Variants in KIAA2012 observed in about 807,000 individuals in gnomAD.
The protein encoded by KIAA2012 is uncharacterized protein KIAA2012.
A neutral mutation model predicts 150.6 loss-of-function variants in KIAA2012; 125 were observed. That is an observed-to-expected ratio of 0.83 (90% CI 0.72 to 0.96). The LOEUF is 0.96. Ranked by LOEUF, KIAA2012 falls within the 40% of genes least tolerant of loss-of-function variation. The pLI is 0.00. For synonymous variants in KIAA2012, 462 were observed against 504.7 expected, an observed-to-expected ratio of 0.92 and a Z score of 1.13; for missense variants, 1,219 against 1,354.9, an observed-to-expected ratio of 0.90 and a Z score of 1.57.
At chr2:202,109,903 G>T (rs765080014) in intron 10 of KIAA2012, 114 bp downstream of exon 10, 5 of 900,342 alleles carry the variant, frequency 5.6e-6, no homozygotes, top group Non-Finnish European at 8.1e-6. Context: ...TTGAAAAGGG[G>T]TAATTGACAC....
chr2:202,084,472 C>A (rs1426591618), intron 2 of KIAA2012, among the ~76,000 whole-genome samples: 3 of 152,222 alleles, frequency 2.0e-5, no homozygotes, highest in Non-Finnish European at 4.4e-5. Flanking sequence ...TTAAAGGAAG[C>A]ACTCATGGTG....
At chr2:202,114,898 G>A (rs926559222) in intron 11 of KIAA2012, 1 of 167,270 alleles carries the variant, frequency 6.0e-6, no homozygotes, top group African/African-American at 2.4e-5. Flanking sequence ...CTTATTGAAT[G>A]AATGAATGAA....
intron 21 of KIAA2012, among the ~76,000 whole-genome samples, chr2:202,195,964 G>C (rs1253034683): frequency 6.6e-6 from 1 of 152,010 alleles, no homozygotes; most frequent in Admixed American, 6.6e-5. Flanking sequence ...TATCTTGGCT[G>C]TTGGGAAGAG....
Position 202,190,495 on chromosome 2 carries a change from T to G in KIAA2012, c.2811+2T>G. 1 of 1,505,950 alleles carries G rather than the reference T, an allele frequency of 6.6e-7. No individual in the cohort carries two copies. The highest frequency in any genetic ancestry group is 8.9e-7 in the Non-Finnish European group (1 of 1,124,260). The allele number at this position is 1,505,950 out of a possible 1,614,324, so 93.3% of individuals were successfully genotyped here. A position where few individuals can be genotyped will look rare whatever the true frequency, so the allele number is the denominator to read the frequency against. Reference sequence around the variant, plus strand: ...AGAAGATGTGAGGACCCTTCCAAGGTAGGGTCTGATGTCCTCAGCTTGACA... The same window carrying G: ...AGAAGATGTGAGGACCCTTCCAAGGGAGGGTCTGATGTCCTCAGCTTGACA... On this transcript the variant is annotated splice_donor_variant, in intron 19 of 23. Coordinates refer to ENST00000498697, the MANE Select transcript of KIAA2012 (RefSeq NM_001277372.4). LOFTEE classifies it high-confidence loss of function.
At position 202,073,514 on chromosome 2, in the gene KIAA2012, T is replaced by C. The variant is rs1487962289; in HGVS notation, c.-114T>C. ...AAAATGTATTTAATAAAAGGCCCTG[T>C]GTTTGTGGTCTTCTTGGGCTTGCTG... On this transcript the variant is annotated 5_prime_UTR_variant, in exon 1 of 24. Transcript: ENST00000498697. 2 of 804,696 alleles carry C rather than the reference T, an allele frequency of 2.5e-6. No individual in the cohort carries two copies. The highest frequency in any genetic ancestry group is 1.7e-5 in the South Asian group (1 of 58,278). 49.8% of individuals were successfully genotyped at this position (804,696 alleles called of 1,614,324 possible).
intron 15 of KIAA2012, among the ~76,000 whole-genome samples, chr2:202,178,139 C>T (rs1692035539): frequency 6.6e-6 from 1 of 152,064 alleles, no homozygotes; most frequent in Admixed American, 6.6e-5. Context: ...GTGGAGGTTG[C>T]AGTGAGCTGA....
intron 10 of KIAA2012, among the ~76,000 whole-genome samples, chr2:202,111,491 C>G (rs1453166164): frequency 9.2e-6 from 1 of 109,244 alleles, no homozygotes; most frequent in African/African-American, 3.7e-5. Context: ...GCCTGAGCAA[C>G]AGAGCAAGAC....
At chr2:202,089,880 A>C (rs1363107043) in intron 2 of KIAA2012, among the ~76,000 whole-genome samples, 1 of 152,234 alleles carries the variant, frequency 6.6e-6, no homozygotes, top group Non-Finnish European at 1.5e-5. Context: ...ATATTTATCA[A>C]ATGAACATCT....
chr2:202,196,771 C>T (rs201083876), intron 21 of KIAA2012, 29 bp from the exon 22 acceptor site: 1 of 1,546,202 alleles, frequency 6.5e-7, no homozygotes, highest in Non-Finnish European at 8.7e-7. Context: ...ATGATCCCTG[C>T]TGAGCCCACC....
At chr2:202,190,590 C>T (rs891749395) in intron 19 of KIAA2012, 97 bp downstream of exon 19, 1 of 909,326 alleles carries the variant, frequency 1.1e-6, no homozygotes, top group Admixed American at 3.0e-5. Context: ...ATTGCACTTA[C>T]TAAAACAGCT....
intron 22 of KIAA2012, chr2:202,201,858 T>G: frequency 1.6e-6 from 2 of 1,265,996 alleles, no homozygotes; most frequent in Non-Finnish European, 2.3e-6. Flanking sequence ...CTAGGTTGGC[T>G]GTGTTGGATA....
chr2:202,119,286 AG>A (rs1341263333), intron 11 of KIAA2012, among the ~76,000 whole-genome samples: 4 of 147,776 alleles, frequency 2.7e-5, no homozygotes, highest in South Asian at 2.2e-4. Context: ...AAAAAAAAAA[AG>A]AATAATAGCT....
intron 18 of KIAA2012, among the ~76,000 whole-genome samples, chr2:202,188,996 T>G (rs1002523801): frequency 2.6e-5 from 4 of 152,218 alleles, no homozygotes; most frequent in African/African-American, 9.6e-5. Flanking sequence ...AGGACAACAA[T>G]GGATACACTC....
chr2:202,124,121 T>C (rs1249721854), intron 11 of KIAA2012, among the ~76,000 whole-genome samples: 2 of 152,024 alleles, frequency 1.3e-5, no homozygotes, highest in African/African-American at 4.8e-5. Context: ...TGAACCCAGG[T>C]GGTGGAGGTT....
chr2:202,081,713 A>G (rs2105909881), intron 2 of KIAA2012, among the ~76,000 whole-genome samples: 1 of 151,828 alleles, frequency 6.6e-6, no homozygotes, highest in South Asian at 2.1e-4. Flanking sequence ...ACACCCAGCT[A>G]ATTTTGTATT....
At chr2:202,092,419 CT>C (rs1689746029) in intron 3 of KIAA2012, among the ~76,000 whole-genome samples, 1 of 152,232 alleles carries the variant, frequency 6.6e-6, no homozygotes, top group Non-Finnish European at 1.5e-5. Flanking sequence ...CTCACACCTT[CT>C]ACAAAGTCTT....
chr2:202,193,931 G>A (rs1182962076), intron 20 of KIAA2012, among the ~76,000 whole-genome samples: 1 of 152,216 alleles, frequency 6.6e-6, no homozygotes, highest in Non-Finnish European at 1.5e-5. Context: ...AAATCCATAA[G>A]CATGAAAAAT....
chr2:202,163,040 G>C (rs1186228103), intron 14 of KIAA2012, among the ~76,000 whole-genome samples: 3 of 151,648 alleles, frequency 2.0e-5, no homozygotes, highest in African/African-American at 7.3e-5. Context: ...GGGACATTTA[G>C]GCTGTTTCCA....
chr2:202,130,416 C>T (rs1020679492), intron 12 of KIAA2012, among the ~76,000 whole-genome samples: 5 of 152,164 alleles, frequency 3.3e-5, no homozygotes, highest in Non-Finnish European at 7.3e-5. Flanking sequence ...TGAAGTAATA[C>T]TTAGCACAAT....
Sources: gnomAD v4.1 joint callset for allele counts (sites outside exome capture counted in the v4.1 genomes callset) on GRCh38, gnomAD v4.1.1 for gene constraint, MANE v1.5 for transcripts, NCBI Gene and HGNC (gene_info 2026-07-23, HGNC 2026-07-21) for gene names.